ZNF345: variants seen among roughly 807,000 people sequenced by gnomAD.
ZNF345 encodes the protein zinc finger protein HZF10.
For synonymous variants in ZNF345, 166 were observed against 187.9 expected (o/e 0.88, Z 0.95); for missense variants, 527 against 589.9 (o/e 0.89, Z 1.10).
chr19:36,877,722 G>A lies in ZNF345; in HGVS notation c.892G>A (p.Gly298Ser). ...GGAATGTGGGAAGGCTTTTAATAGT[G>A]GCTCAGATCTCACTCAGCATCAGAG... ...CKECGKAFNS[G>S]SDLTQHQRIH... The change falls in exon 3 of 3, where the codon GGC (glycine) becomes AGC (serine). Residue 298 changes from glycine to serine, a missense_variant. Gly to Ser is a moderately conservative substitution (Grantham distance 56). Transcript: ENST00000420450. The A allele has an allele frequency of 1.9e-6, 3 of 1,614,064 alleles. No individual in the cohort carries two copies. Among genetic ancestry groups the A allele is most frequent in the Admixed American group, 1.7e-5 (1 of 60,014 alleles).
intron 3 of ZNF345, chr19:36,891,589 A>C (rs1240651066): frequency 1.2e-6 from 2 of 1,613,606 alleles, no homozygotes; most frequent in Non-Finnish European, 1.7e-6. Context: ...ACCAGTGTGA[A>C]TTCTCTGATG....
At chr19:36,891,444 A>G in intron 3 of ZNF345, 1 of 1,493,512 alleles carries the variant, frequency 6.7e-7, no homozygotes, top group Non-Finnish European at 8.9e-7. Flanking sequence ...TACCTGTTTT[A>G]AAAAAATTAT....
intron 2 of ZNF345, among the ~76,000 whole-genome samples, chr19:36,855,524 G>A (rs1375796456): frequency 3.0e-5 from 4 of 134,498 alleles, no homozygotes; most frequent in Admixed American, 8.5e-5. Flanking sequence ...ATGTGATCTC[G>A]GTTCATCACA....
chr19:36,891,268 C>T (rs1311876308), intron 3 of ZNF345: 22 of 456,258 alleles, frequency 4.8e-5, no homozygotes, highest in East Asian at 3.5e-4. Flanking sequence ...GGAACCAAAA[C>T]GATCAGCACC....
chr19:36,863,709 G>C (rs764044497), intron 2 of ZNF345, among the ~76,000 whole-genome samples: 2 of 152,190 alleles, frequency 1.3e-5, no homozygotes, highest in African/African-American at 2.4e-5. Context: ...ATTGTGACTT[G>C]AACTGAGAGT....
intron 2 of ZNF345, among the ~76,000 whole-genome samples, chr19:36,876,246 G>A (rs1262932850): frequency 6.6e-6 from 1 of 152,082 alleles, no homozygotes; most frequent in Non-Finnish European, 1.5e-5. Flanking sequence ...CTTTCATTGG[G>A]AAACTGCTCT....
intron 2 of ZNF345, among the ~76,000 whole-genome samples, chr19:36,857,967 A>G (rs2072459127): frequency 6.6e-6 from 1 of 151,768 alleles, no homozygotes; most frequent in Non-Finnish European, 1.5e-5. Flanking sequence ...TTTAGTGGAG[A>G]TGGGGTTTCA....
Position 36,877,306 on chromosome 19 carries a change from C to T in ZNF345, c.476C>T (p.Ser159Leu), listed in dbSNP as rs1433781050. The T allele has an allele frequency of 2.5e-6, 4 of 1,613,936 alleles. No individual in the cohort carries two copies. Among genetic ancestry groups the T allele is most frequent in the Non-Finnish European group, 3.4e-6 (4 of 1,180,016 alleles). ...KECGKAFSFGSGLIRHQIIHS... is the reference protein window; with the variant it reads ...KECGKAFSFGLGLIRHQIIHS... ...TGTGGGAAAGCCTTTAGTTTTGGAT[C>T]AGGCCTTATTCGACATCAGATCATT... The change falls in exon 3 of 3, where the codon TCA becomes TTA. Residue 159 changes from serine (S) to leucine (L), a missense_variant. Transcript: ENST00000420450.
chr19:36,859,488 TTTG>T, intron 2 of ZNF345, among the ~76,000 whole-genome samples: 1 of 151,942 alleles, frequency 6.6e-6, no homozygotes, highest in East Asian at 1.9e-4. Context: ...CACCAGTTCT[TTTG>T]TTTTTTTTTT....
At chr19:36,862,203 T>C (rs866865509) in intron 2 of ZNF345, among the ~76,000 whole-genome samples, 5 of 152,064 alleles carry the variant, frequency 3.3e-5, no homozygotes, top group African/African-American at 1.2e-4. Flanking sequence ...AATCAAAATA[T>C]TGTGTTCTAA....
chr19:36,882,738 A>T (rs1027951233), downstream of ZNF345, among the ~76,000 whole-genome samples: 15 of 152,344 alleles, frequency 9.8e-5, no homozygotes, highest in African/African-American at 3.4e-4. Context: ...GTGAAACTTC[A>T]TTAAAAAGTT....
At chr19:36,883,516 A>C (rs2072980264), downstream of ZNF345, among the ~76,000 whole-genome samples, 1 of 152,218 alleles carries the variant, frequency 6.6e-6, no homozygotes, top group Non-Finnish European at 1.5e-5. Flanking sequence ...TTAGGTATAT[A>C]AAATACTGGT....
rs538397998 is a variant in ZNF345 at position 36,878,140 on chromosome 19, G to T, written c.1310G>T (p.Ser437Ile). 12 of 1,614,144 alleles carry T rather than the reference G, an allele frequency of 7.4e-6. No individual in the cohort carries two copies. Among genetic ancestry groups the T allele is most frequent in the African/African-American group, 6.7e-5 (5 of 75,042 alleles). The stretch of plus-strand genomic sequence containing the variant: ...AAGGAGTGTGGGAAGGCTTTTTATA[G>T]TGGCTCAAGCCTTACTCAGCATCAG... ...ECKECGKAFYSGSSLTQHQRI... is the reference protein window; with the variant it reads ...ECKECGKAFYIGSSLTQHQRI... The change falls in exon 3 of 3, where the codon AGT becomes ATT. Residue 437 changes from serine (S) to isoleucine (I), a missense_variant. Ser to Ile is a moderately radical substitution (Grantham distance 142, BLOSUM62 -2). Transcript: ENST00000420450.
intron 2 of ZNF345, chr19:36,858,329 C>T (rs928563040): frequency 7.0e-6 from 1 of 143,306 alleles, no homozygotes; most frequent in Non-Finnish European, 1.5e-5. Context: ...TTGGACTAGC[C>T]AATCACAATT....
At chr19:36,892,264 C>A in intron 3 of ZNF345, 1 of 1,613,946 alleles carries the variant, frequency 6.2e-7, no homozygotes, top group South Asian at 1.1e-5. Context: ...AAAATGAATT[C>A]TCTGATGTTG....
At chr19:36,881,355 C>A (rs554542718), downstream of ZNF345, among the ~76,000 whole-genome samples, 1 of 152,088 alleles carries the variant, frequency 6.6e-6, no homozygotes, top group Admixed American at 6.5e-5. Flanking sequence ...ATGTTTATTA[C>A]GATTACATGT....
chr19:36,855,141 ACG>A, intron 2 of ZNF345, among the ~76,000 whole-genome samples: 1 of 131,928 alleles, frequency 7.6e-6, no homozygotes, highest in East Asian at 2.5e-4. Context: ...GTGAGCCACC[ACG>A]CCCAGCCTTT....
Position 36,855,447 on chromosome 19 carries a change from CTTTTTTTTTTTTT to C in ZNF345, c.-47+3556_-47+3568del, listed in dbSNP as rs34265794. ...ACAGGCGTGAGCCACCGAGCCTGGC[CTTTTTTTTTTTTT>C]TTTTTTTTTTTTAAACAGAGTTTCG... On this transcript the variant is annotated intron_variant, in intron 2 of 2. Transcript: ENST00000420450. 1.4e-4 allele frequency among the ~76,000 whole-genome samples: 8 copies of C among 58,574 alleles called. No homozygotes were observed. In the Admixed American group the frequency reaches 1.7e-3, roughly 12 times the overall value. The allele number at this position is 58,574 out of a possible 152,430, so 38.4% of individuals were successfully genotyped here.
intron 2 of ZNF345, among the ~76,000 whole-genome samples, chr19:36,853,232 G>T (rs374159877): frequency 8.2e-4 from 118 of 143,616 alleles, no homozygotes; most frequent in Middle Eastern, 3.9e-3. Flanking sequence ...CCAAAAGCTT[G>T]CTTTCTTTCT....
Sources: gnomAD v4.1 joint callset for allele counts (sites outside exome capture counted in the v4.1 genomes callset) on GRCh38, gnomAD v4.1.1 for gene constraint, MANE v1.5 for transcripts, NCBI Gene and HGNC (gene_info 2026-07-23, HGNC 2026-07-21) for gene names.